The following DCDC1 variants were observed in gnomAD, a reference collection of about 807,000 sequenced individuals.
The protein encoded by DCDC1 is doublecortin domain containing 1, also known as doublecortin domain-containing protein 1.
In DCDC1, 200 loss-of-function variants were observed where a neutral mutation model predicts 178.3. The observed-to-expected ratio is 1.12, with a 90% confidence interval of 1.00 to 1.26. The LOEUF (loss-of-function observed/expected upper bound fraction) is 1.26. Among genes scored for constraint, DCDC1 ranks in the 50% most tolerant of loss-of-function variants. The pLI, the probability that DCDC1 is intolerant of heterozygous loss-of-function variation, is 0.00. For missense variants in DCDC1, 1,983 were observed against 1,749.2 expected (o/e 1.13, Z -2.38); for synonymous variants, 690 against 604.8 (o/e 1.14, Z -2.07).
At chr11:30,937,401 AG>A (rs1166301869) in intron 21 of DCDC1, among the ~76,000 whole-genome samples, 1 of 152,088 alleles carries the variant, frequency 6.6e-6, no homozygotes, top group African/African-American at 2.4e-5. Flanking sequence ...TGACTCCCCC[AG>A]TCCTCATCAA....
At chr11:31,011,879 GGTTTGGATTTGT>G (rs1252831368) in intron 20 of DCDC1, among the ~76,000 whole-genome samples, 1 of 152,100 alleles carries the variant, frequency 6.6e-6, no homozygotes, top group Admixed American at 6.6e-5. Context: ...TATCTGATAC[GGTTTGGATTTGT>G]GTCCCCGCCC....
chr11:31,038,216 T>C (rs1954207444), intron 20 of DCDC1, among the ~76,000 whole-genome samples: 3 of 40,048 alleles, frequency 7.5e-5, no homozygotes, highest in African/African-American at 2.6e-4. Flanking sequence ...TAAAGTATTA[T>C]ATATATATAT....
intron 20 of DCDC1, among the ~76,000 whole-genome samples, chr11:31,022,643 T>TTGTGTGTG (rs4067986): frequency 0.088 from 10,687 of 120,816 alleles, 513 homozygotes; most frequent in Non-Finnish European, 0.1. Context: ...GTCTTTTAGT[T>TTGTGTGTG]TGTGTGTGTG....
At chr11:31,185,051 C>T (rs568207457) in intron 9 of DCDC1, among the ~76,000 whole-genome samples, 1 of 152,322 alleles carries the variant, frequency 6.6e-6, no homozygotes, top group East Asian at 1.9e-4. Flanking sequence ...AAATGTGGCA[C>T]ATATACACTA....
In DCDC1 at chr11:31,350,201, A is replaced by G. The variant is rs549645740; in HGVS notation, c.-124-14637T>C. Among the ~76,000 whole-genome samples the G allele has an allele frequency of 5.9e-5, 9 of 152,320 alleles. No homozygotes were observed. The South Asian group carries it at 1.7e-3, about 28-fold the overall frequency. On this transcript the variant is annotated intron_variant, in intron 1 of 38. Coordinates refer to ENST00000684477, the MANE Select transcript of DCDC1 (RefSeq NM_001387274.1). ...ACAGTACCCATTAGTGGAGCAAAAT[A>G]TTATCTCTTAACTTTGCCAGTTTTA...
At chr11:30,990,664 A>G (rs2134917679) in intron 20 of DCDC1, among the ~76,000 whole-genome samples, 1 of 152,350 alleles carries the variant, frequency 6.6e-6, no homozygotes, top group Middle Eastern at 3.4e-3. Flanking sequence ...TCGGGTAGTA[A>G]GGTCTGAAGA....
rs139244611 is a variant in DCDC1 at position 31,071,854 on chromosome 11, A to G, written c.2298+6011T>C. On this transcript the variant is annotated intron_variant, in intron 18 of 38. Transcript: ENST00000684477. ...CTAATGCCTCTGGGCTACAGCAAGT[A>G]AGTATGCTTAGAGTTAGATCTTCCA... Among the ~76,000 whole-genome samples the G allele has an allele frequency of 8.6e-3, 1,303 of 152,318 alleles. 26 individuals carry two copies. The highest frequency in any genetic ancestry group is 0.029 in the African/African-American group (1,226 of 41,568).
At chr11:31,331,132 T>C (rs1310970169) in intron 2 of DCDC1, among the ~76,000 whole-genome samples, 1 of 152,194 alleles carries the variant, frequency 6.6e-6, no homozygotes, top group African/African-American at 2.4e-5. Context: ...TTCCTAGGTA[T>C]TTTATTCTCT....
chr11:31,151,934 T>C (rs959884770), intron 9 of DCDC1, among the ~76,000 whole-genome samples: 7 of 152,182 alleles, frequency 4.6e-5, no homozygotes, highest in Admixed American at 4.6e-4. Context: ...ATATGTTGTA[T>C]ATATTTTAAA....
chr11:31,101,658 TA>T (rs1429397912), intron 15 of DCDC1, among the ~76,000 whole-genome samples: 2 of 152,194 alleles, frequency 1.3e-5, no homozygotes, highest in African/African-American at 4.8e-5. Context: ...AAGTAGGAAT[TA>T]AATATATTGT....
At chr11:30,897,674 AG>A (rs1318940077) in intron 34 of DCDC1, among the ~76,000 whole-genome samples, 2 of 152,218 alleles carry the variant, frequency 1.3e-5, no homozygotes, top group East Asian at 3.9e-4. Context: ...CAGCCATACC[AG>A]GTGCTATTTT....
At chr11:31,229,240 C>T (rs990935122) in intron 9 of DCDC1, among the ~76,000 whole-genome samples, 1 of 152,030 alleles carries the variant, frequency 6.6e-6, no homozygotes, top group East Asian at 1.9e-4. Context: ...TACATCTCAA[C>T]TCATTTGATG....
chr11:30,955,352 T>A (rs1428514146), intron 20 of DCDC1, among the ~76,000 whole-genome samples: 1 of 152,188 alleles, frequency 6.6e-6, no homozygotes, highest in Admixed American at 6.5e-5. Context: ...TTCTCCTATA[T>A]CCTCTCTTCT....
intron 18 of DCDC1, among the ~76,000 whole-genome samples, chr11:31,075,651 G>A (rs1321853296): frequency 6.6e-6 from 1 of 152,170 alleles, no homozygotes; most frequent in Non-Finnish European, 1.5e-5. Context: ...GTGATGTTAA[G>A]CATTTTTTAT....
At chr11:31,061,564 A>AAAG (rs1008284616) in intron 20 of DCDC1, among the ~76,000 whole-genome samples, 1 of 152,026 alleles carries the variant, frequency 6.6e-6, no homozygotes, top group Non-Finnish European at 1.5e-5. Flanking sequence ...TTAAGAAAAA[A>AAAG]AAGAAGAAGA....
intron 20 of DCDC1, among the ~76,000 whole-genome samples, chr11:31,043,073 A>G (rs548832941): frequency 1.3e-5 from 2 of 152,288 alleles, no homozygotes; most frequent in African/African-American, 2.4e-5. Flanking sequence ...TATTTCTCCT[A>G]GGCTACTAAC....
chr11:31,112,532 C>T (rs942450046), intron 11 of DCDC1, among the ~76,000 whole-genome samples: 3 of 152,172 alleles, frequency 2.0e-5, no homozygotes, highest in African/African-American at 7.2e-5. Context: ...ATTAAATTCT[C>T]ACCCTTGGAG....
intron 25 of DCDC1, among the ~76,000 whole-genome samples, chr11:30,919,289 A>T (rs1327262166): frequency 1.3e-5 from 2 of 152,178 alleles, no homozygotes; most frequent in Non-Finnish European, 2.9e-5. Context: ...TTTAAATGTT[A>T]GAATGGGCCT....
At chr11:31,244,052 T>C (rs1042998562) in intron 8 of DCDC1, among the ~76,000 whole-genome samples, 3 of 151,588 alleles carry the variant, frequency 2.0e-5, no homozygotes, top group Non-Finnish European at 4.4e-5. Flanking sequence ...TTCCACTAAC[T>C]AGGAAGGTAC....
Sources: allele counts gnomAD v4.1 joint callset (sites outside exome capture counted in the v4.1 genomes callset), GRCh38; gene constraint gnomAD v4.1.1; transcripts MANE v1.5; gene names NCBI Gene and HGNC (gene_info 2026-07-23, HGNC 2026-07-21).